Variants in NOTCH1 observed in about 807,000 individuals in gnomAD.
NOTCH1 encodes the protein neurogenic locus notch homolog protein 1.
A neutral mutation model predicts 254.8 loss-of-function variants in NOTCH1; 37 were observed. The ratio of observed to expected loss-of-function variants is 0.15; its 90% CI spans 0.11 to 0.19. The LOEUF (loss-of-function observed/expected upper bound fraction) is 0.19. NOTCH1 is among the 10% of genes least tolerant of loss of function. NOTCH1 has a pLI of 1.00. For synonymous variants in NOTCH1, 1,731 were observed against 1,618.1 expected, an observed-to-expected ratio of 1.07 and a Z score of -1.68; for missense variants, 2,972 against 3,708.6, an observed-to-expected ratio of 0.80 and a Z score of 5.16.
intron 2 of NOTCH1, among the ~76,000 whole-genome samples, chr9:136,536,037 A>C (rs370117881): frequency 2.0e-5 from 3 of 149,448 alleles, no homozygotes; most frequent in Non-Finnish European, 3.0e-5. Flanking sequence ...GGTACAGGGT[A>C]GGGGGGCGCA....
At chr9:136,518,527 G>A (rs1194921816) in intron 6 of NOTCH1, 64 bp downstream of exon 6, 4 of 1,455,368 alleles carry the variant, frequency 2.7e-6, no homozygotes, top group Non-Finnish European at 3.8e-6. Context: ...CCTGGGTGAG[G>A]TCACACAGCT....
At chr9:136,510,848 G>A (rs370600426) in intron 16 of NOTCH1, 43 bp from the exon 17 acceptor site, 29 of 1,601,110 alleles carry the variant, frequency 1.8e-5, no homozygotes, top group East Asian at 1.1e-4. Context: ...GCGGCCCCTG[G>A]CCCTCCAGGC....
In NOTCH1 at chr9:136,515,444, C is replaced by T. The variant is rs754659191; in HGVS notation, c.1903+39G>A. The T allele has an allele frequency of 4.3e-6, 7 of 1,611,560 alleles. No homozygotes were observed. In the East Asian group the frequency reaches 1.3e-4, roughly 31 times the overall value. On this transcript the variant is annotated intron_variant, in intron 11 of 33. Transcript: ENST00000651671. ...TCGGTCAGTCCTCAGGCCCGCCCTG[C>T]CCACTGGCCCCCCGCCGGCCACCCG...
chr9:136,532,221 A>G (rs2133389909), intron 2 of NOTCH1, among the ~76,000 whole-genome samples: 1 of 152,210 alleles, frequency 6.6e-6, no homozygotes, highest in South Asian at 2.1e-4. Context: ...CAGGCTGGGG[A>G]CTGTCTGGGG....
In NOTCH1 at chr9:136,513,925, C is replaced by A. The variant is rs1287063954; in HGVS notation, c.2208-388G>T. On this transcript the variant is annotated intron_variant, in intron 13 of 33. Coordinates refer to ENST00000651671, the MANE Select transcript of NOTCH1 (RefSeq NM_017617.5). The surrounding 1 kb of genome is among the most constrained non-coding windows in gnomAD (Gnocchi z 4.7). Reference sequence around the variant, plus strand: ...GAGGTTGCAGTGAGCTGAGATCATGCCATTGCACTCCAGCCTGGACAACAG... The same window carrying A: ...GAGGTTGCAGTGAGCTGAGATCATGACATTGCACTCCAGCCTGGACAACAG... 6.6e-6 allele frequency among the ~76,000 whole-genome samples: 1 copy of A among 152,156 alleles called. No homozygotes were observed. Among genetic ancestry groups the A allele is most frequent in the African/African-American group, 2.4e-5 (1 of 41,434 alleles).
chr9:136,526,565 G>T (rs1397143377), intron 2 of NOTCH1, among the ~76,000 whole-genome samples: 2 of 152,198 alleles, frequency 1.3e-5, no homozygotes, highest in African/African-American at 4.8e-5. Context: ...GACCCCAGAG[G>T]GGAGACGCTG....
intron 2 of NOTCH1, among the ~76,000 whole-genome samples, chr9:136,527,841 G>T (rs2133384911): frequency 6.6e-6 from 1 of 152,264 alleles, no homozygotes; most frequent in East Asian, 1.9e-4. Flanking sequence ...GAGGGCTGCG[G>T]GGGGAGGGTG....
Position 136,504,990 on chromosome 9 carries a change from C to T in NOTCH1, c.4701G>A (p.Glu1567=), listed in dbSNP as rs2133337326. Residue 1567 remains glutamate (E), a synonymous_variant, in exon 26 of 34, where the codon GAG becomes GAA. Transcript: ENST00000651671. ...CCACCAGCGTGCCGGCCGCCAGCCTCTCGGGTACATGCTCCGCACAGTCCA... is the reference window on the plus strand; with the variant it reads ...CCACCAGCGTGCCGGCCGCCAGCCTTTCGGGTACATGCTCCGCACAGTCCA... ...DGLDCAEHVP[E]RLAAGTLVVV... is the part of the protein sequence containing the mutation. The T allele has an allele frequency of 6.3e-7, 1 of 1,597,856 alleles. No individual in the cohort carries two copies. The highest frequency in any genetic ancestry group is 8.5e-7 in the Non-Finnish European group (1 of 1,173,476).
intron 4 of NOTCH1, among the ~76,000 whole-genome samples, chr9:136,520,705 T>G (rs1843353093): frequency 6.7e-6 from 1 of 150,120 alleles, no homozygotes. Context: ...GTCACTGTAC[T>G]CCAGCCTGAG....
rs1272176843 is a variant in NOTCH1, at chr9:136,514,710, C to A, written c.2015-8G>T. The A allele has an allele frequency of 2.1e-5, 34 of 1,611,178 alleles. No individual in the cohort carries two copies. Among genetic ancestry groups the A allele is most frequent in the Non-Finnish European group, 2.9e-5 (34 of 1,179,322 alleles). On this transcript the variant is annotated splice_region_variant and splice_polypyrimidine_tract_variant and intron_variant, in intron 12 of 33. Coordinates refer to ENST00000651671, the MANE Select transcript of NOTCH1 (RefSeq NM_017617.5). The stretch of plus-strand genomic sequence containing the variant: ...TGATGTTACACATGCTCCCTAAGGG[C>A]AGGGCGGGTCAGACTCCGAGGCCCA...
At chr9:136,509,619 G>A (rs1053074741) in intron 18 of NOTCH1, 114 bp downstream of exon 18, 8 of 904,054 alleles carry the variant, frequency 8.8e-6, no homozygotes, top group African/African-American at 6.6e-5. Flanking sequence ...TGCAGCCAGC[G>A]CTAAGTGCCC....
At chr9:136,503,438 A>T in intron 26 of NOTCH1, 108 bp from the exon 27 acceptor site, 1 of 1,545,644 alleles carries the variant, frequency 6.5e-7, no homozygotes, top group South Asian at 1.1e-5. Context: ...CACAGTCAGG[A>T]CATGGTGAGG....
chr9:136,511,526 G>C (rs147242495), intron 15 of NOTCH1, among the ~76,000 whole-genome samples: 3 of 152,220 alleles, frequency 2.0e-5, no homozygotes, highest in Non-Finnish European at 4.4e-5. Context: ...ATTCCCGGTT[G>C]GCAGCGGGGC....
In NOTCH1 at chr9:136,514,651, T is replaced by C. The variant is rs2133361106; in HGVS notation, c.2066A>G (p.Asn689Ser). 2 of 1,612,672 alleles carry C rather than the reference T, an allele frequency of 1.2e-6. No individual in the cohort carries two copies. The highest frequency in any genetic ancestry group is 1.3e-5 in the African/African-American group (1 of 75,040). The change falls in exon 13 of 34, where the codon AAC becomes AGC. Residue 689 changes from asparagine to serine, a missense_variant. Asn to Ser is a conservative substitution (Grantham distance 46, BLOSUM62 1). Around this residue, in one of 8 missense-constraint regions of NOTCH1, gnomAD observed 1,343 missense variants for 1,557.0 expected, o/e 0.86. Coordinates refer to ENST00000651671, the MANE Select transcript of NOTCH1 (RefSeq NM_017617.5). ...IDECAGNPCH[N>S]GGTCEDGING... ...GATGCCGTCCTCGCAGGTGCCCCCG[T>C]TGTGGCAGGGGTTGCCCGCACACTC...
Position 136,545,818 on chromosome 9 carries a change from C to G in NOTCH1, c.-32G>C. 1.6e-6 allele frequency: 2 copies of G among 1,214,968 alleles called. No individual in the cohort carries two copies. The highest frequency in any genetic ancestry group is 2.1e-6 in the Non-Finnish European group (2 of 969,844). 75.3% of individuals were successfully genotyped at this position (1,214,968 alleles called of 1,614,324 possible). On this transcript the variant is annotated 5_prime_UTR_variant, in exon 1 of 34. Coordinates refer to ENST00000651671, the MANE Select transcript of NOTCH1 (RefSeq NM_017617.5). The surrounding 1 kb of genome is among the most constrained non-coding windows in gnomAD (Gnocchi z 6.8). Reference sequence around the variant, plus strand: ...CCACCGGCTGCCCTCTGCGCCCGGGCGGCGGCCTCCTGCGCTGGCCGGCGG... The same window carrying G: ...CCACCGGCTGCCCTCTGCGCCCGGGGGGCGGCCTCCTGCGCTGGCCGGCGG...
intron 16 of NOTCH1, 127 bp downstream of exon 16, chr9:136,511,025 A>T: frequency 1.4e-6 from 2 of 1,480,274 alleles, no homozygotes; most frequent in Admixed American, 3.5e-5. Context: ...AACTTCTCCG[A>T]CCAGGGCCTC....
rs544387019 is a variant in NOTCH1, at chr9:136,519,417, C to T, written c.865+26G>A. 1.4e-4 allele frequency: 218 copies of T among 1,612,070 alleles called. 2 individuals carry two copies. Among genetic ancestry groups the T allele is most frequent in the South Asian group, 1.2e-3 (113 of 91,084 alleles). ...GGTAGCAGCCCCGCCCCGGCTACCC[C>T]GCCCTGCGGCGACCCGTATACGCGC... On this transcript the variant is annotated intron_variant, in intron 5 of 33. Transcript: ENST00000651671.
At chr9:136,522,562 C>T (rs1843388718) in intron 4 of NOTCH1, 2 of 461,992 alleles carry the variant, frequency 4.3e-6, no homozygotes, top group Non-Finnish European at 7.6e-6. Flanking sequence ...GTCAGGGTGC[C>T]TGCACTGGGG....
chr9:136,517,087 C>T lies in NOTCH1; in HGVS notation c.1555+185G>A, dbSNP rs991226102. ...GCCCAGGAGCAGGGGACACAACCCA[C>T]GGCCCTCACCCCTCAGGAGGCCGGG... is the stretch of plus-strand genomic sequence containing the variant. On this transcript the variant is annotated intron_variant, in intron 9 of 33. Coordinates refer to ENST00000651671, the MANE Select transcript of NOTCH1 (RefSeq NM_017617.5). Among the ~76,000 whole-genome samples, 15 of 148,706 alleles carry T rather than the reference C, an allele frequency of 1.0e-4. No individual in the cohort carries two copies. In the South Asian group the frequency reaches 1.7e-3, roughly 17 times the overall value.
Sources: allele counts gnomAD v4.1 joint callset (sites outside exome capture counted in the v4.1 genomes callset), GRCh38; gene constraint gnomAD v4.1.1; regional missense constraint gnomAD v4.1.1; non-coding constraint Gnocchi (gnomAD v3.1); transcripts MANE v1.5; gene names NCBI Gene and HGNC (gene_info 2026-07-23, HGNC 2026-07-21).